The following BBOX1 variants were observed in gnomAD, a reference collection of about 807,000 sequenced individuals.
The protein encoded by BBOX1 is gamma-butyrobetaine hydroxylase 1, also known as gamma-butyrobetaine dioxygenase.
In BBOX1, 35 loss-of-function variants were observed where a neutral mutation model predicts 41.6. The ratio of observed to expected loss-of-function variants is 0.84; its 90% CI spans 0.64 to 1.11. The LOEUF is 1.11. Among genes scored for constraint, BBOX1 ranks in the 50% most tolerant of loss-of-function variants. The pLI, the probability that BBOX1 is intolerant of heterozygous loss-of-function variation, is 0.00. For synonymous variants in BBOX1, 163 were observed against 154.7 expected (o/e 1.05, Z -0.40); for missense variants, 458 against 460.6 (o/e 0.99, Z 0.05).
At chr11:27,091,070 A>G (rs1286446241) in intron 4 of BBOX1, among the ~76,000 whole-genome samples, 1 of 151,968 alleles carries the variant, frequency 6.6e-6, no homozygotes. Flanking sequence ...CAGGATTAAG[A>G]GATTAAAGTA....
chr11:27,079,813 T>A (rs778876229), intron 4 of BBOX1, among the ~76,000 whole-genome samples: 2 of 152,158 alleles, frequency 1.3e-5, no homozygotes, highest in African/African-American at 4.8e-5. Context: ...CAACTGATGA[T>A]GGCAACTCCA....
chr11:27,119,953 T>C, intron 7 of BBOX1, 108 bp downstream of exon 7: 4 of 630,490 alleles, frequency 6.3e-6, no homozygotes, highest in Non-Finnish European at 7.1e-6. Flanking sequence ...CAGAGCTTTA[T>C]TTTTATTAAC....
At chr11:27,097,524 G>C (rs1167560457) in intron 5 of BBOX1, among the ~76,000 whole-genome samples, 8 of 151,972 alleles carry the variant, frequency 5.3e-5, no homozygotes. Flanking sequence ...GTTTAGATTT[G>C]GGTTTCTACT....
intron 2 of BBOX1, among the ~76,000 whole-genome samples, chr11:27,047,781 T>G (rs575673744): frequency 6.6e-6 from 1 of 152,114 alleles, no homozygotes; most frequent in Non-Finnish European, 1.5e-5. Flanking sequence ...TGGCTTGAAA[T>G]GAGGATTCAA....
chr11:27,099,080 G>A (rs1056425689), intron 5 of BBOX1, among the ~76,000 whole-genome samples: 24 of 151,784 alleles, frequency 1.6e-4, no homozygotes, highest in African/African-American at 5.6e-4. Flanking sequence ...ATCTGAACAA[G>A]ACAACAAAAG....
At chr11:27,070,705 GATTT>G (rs775707549) in intron 4 of BBOX1, among the ~76,000 whole-genome samples, 1 of 77,738 alleles carries the variant, frequency 1.3e-5, no homozygotes, top group Non-Finnish European at 2.4e-5. Flanking sequence ...GTTTGTGATT[GATTT>G]TTTTTTTTTT....
At chr11:27,071,680 T>C (rs1163312488) in intron 4 of BBOX1, among the ~76,000 whole-genome samples, 2 of 152,142 alleles carry the variant, frequency 1.3e-5, no homozygotes, top group African/African-American at 4.8e-5. Flanking sequence ...AATAAAATAC[T>C]GGCAAACCAA....
chr11:27,091,350 T>C (rs1276461041), intron 4 of BBOX1, among the ~76,000 whole-genome samples: 1 of 152,038 alleles, frequency 6.6e-6, no homozygotes, highest in African/African-American at 2.4e-5. Context: ...CCTTGTGACA[T>C]GATAAAATAT....
At chr11:27,060,022 T>C (rs1857094078) in intron 4 of BBOX1, among the ~76,000 whole-genome samples, 1 of 152,154 alleles carries the variant, frequency 6.6e-6, no homozygotes, top group South Asian at 2.1e-4. Context: ...GGCATGACTG[T>C]ATTTTGCAAT....
At chr11:27,072,748 G>A (rs531195073) in intron 4 of BBOX1, among the ~76,000 whole-genome samples, 2 of 152,196 alleles carry the variant, frequency 1.3e-5, no homozygotes, top group South Asian at 4.1e-4. Flanking sequence ...ACAGAACAGA[G>A]ACCTCAGAAA....
intron 5 of BBOX1, among the ~76,000 whole-genome samples, chr11:27,111,245 T>C (rs527518846): frequency 6.6e-6 from 1 of 152,020 alleles, no homozygotes; most frequent in Admixed American, 6.6e-5. Context: ...AATTAATACC[T>C]GAACAGAAAA....
rs186513073 is a variant in BBOX1, at chr11:27,045,643, C to A, written c.-39+4165C>A. Among the ~76,000 whole-genome samples the A allele has an allele frequency of 3.6e-4, 55 of 152,124 alleles. 1 individual carries two copies. The East Asian group carries it at 0.01, about 29-fold the overall frequency. Reference sequence around the variant, plus strand: ...TATTGAGAGTTTTTAGCATGAAGGGCTGTTGAATTTTATCGAAGCATCATA... The same window carrying A: ...TATTGAGAGTTTTTAGCATGAAGGGATGTTGAATTTTATCGAAGCATCATA... On this transcript the variant is annotated intron_variant, in intron 2 of 8. Coordinates refer to ENST00000263182, the MANE Select transcript of BBOX1 (RefSeq NM_003986.3).
At chr11:27,110,914 A>T (rs947268606) in intron 5 of BBOX1, among the ~76,000 whole-genome samples, 12 of 151,926 alleles carry the variant, frequency 7.9e-5, no homozygotes, top group African/African-American at 2.9e-4. Flanking sequence ...AACATTTTTC[A>T]AGCCATATTT....
intron 2 of BBOX1, among the ~76,000 whole-genome samples, chr11:27,050,287 A>G (rs1489958079): frequency 1.3e-5 from 2 of 152,234 alleles, no homozygotes; most frequent in East Asian, 3.9e-4. Flanking sequence ...TGATAATGTG[A>G]TAGTTCCAAC....
intron 5 of BBOX1, among the ~76,000 whole-genome samples, chr11:27,111,122 A>G (rs1859045732): frequency 6.6e-6 from 1 of 151,888 alleles, no homozygotes; most frequent in African/African-American, 2.4e-5. Flanking sequence ...TAACAATAAA[A>G]TTAATCATTT....
chr11:27,097,773 G>C (rs535900177), intron 5 of BBOX1, among the ~76,000 whole-genome samples: 2 of 152,160 alleles, frequency 1.3e-5, no homozygotes, highest in South Asian at 2.1e-4. Context: ...GCATGGTCAA[G>C]ATGGGGAAAT....
At chr11:27,054,007 A>G (rs1351226558) in intron 2 of BBOX1, among the ~76,000 whole-genome samples, 2 of 152,180 alleles carry the variant, frequency 1.3e-5, no homozygotes, top group Non-Finnish European at 2.9e-5. Flanking sequence ...CAATGATCTG[A>G]GGAAGCATAT....
chr11:27,113,710 T>C (rs1227551050), intron 5 of BBOX1, among the ~76,000 whole-genome samples: 7 of 151,550 alleles, frequency 4.6e-5, no homozygotes, highest in Non-Finnish European at 7.4e-5. Context: ...GGCTACTATA[T>C]ATATTACCTG....
intron 5 of BBOX1, among the ~76,000 whole-genome samples, chr11:27,111,607 C>T (rs978764795): frequency 7.2e-5 from 11 of 151,772 alleles, no homozygotes; most frequent in Non-Finnish European, 1.3e-4. Context: ...CCTTTATCTA[C>T]TATATTCTGT....
Sources: allele counts gnomAD v4.1 joint callset (sites outside exome capture counted in the v4.1 genomes callset), GRCh38; gene constraint gnomAD v4.1.1; transcripts MANE v1.5; gene names NCBI Gene and HGNC (gene_info 2026-07-23, HGNC 2026-07-21).